EYS: variants seen among roughly 807,000 people sequenced by gnomAD.
EYS encodes EGF-like photoreceptor maintenance factor, also known as protein eyes shut homolog.
A neutral mutation model predicts 282.1 loss-of-function variants in EYS; 250 were observed. The ratio of observed to expected loss-of-function variants is 0.89; its 90% CI spans 0.80 to 0.98. The LOEUF (loss-of-function observed/expected upper bound fraction) is 0.98, where lower values mean the gene tolerates loss of function less well. EYS is among the 50% of genes least tolerant of loss of function. EYS has a pLI of 0.00. For synonymous variants in EYS, 1,355 were observed against 1,282.9 expected (o/e 1.06, Z -1.20); for missense variants, 4,016 against 3,709.0 (o/e 1.08, Z -2.15).
At chr6:64,670,465 G>A (rs1018251733) in intron 22 of EYS, among the ~76,000 whole-genome samples, 1 of 150,874 alleles carries the variant, frequency 6.6e-6, no homozygotes, top group Non-Finnish European at 1.5e-5. Context: ...AACGTTAATA[G>A]CACTAGAAAA....
chr6:64,132,726 C>A (rs1187597085), intron 31 of EYS, among the ~76,000 whole-genome samples: 1 of 151,600 alleles, frequency 6.6e-6, no homozygotes, highest in East Asian at 1.9e-4. Context: ...TCAGTATATT[C>A]AATACTATTT....
chr6:64,519,374 T>A (rs181478455), intron 26 of EYS, among the ~76,000 whole-genome samples: 1 of 151,832 alleles, frequency 6.6e-6, no homozygotes, highest in Admixed American at 6.6e-5. Context: ...GTCTTTGATA[T>A]AGAGATTTGC....
At chr6:64,186,529 TCTTC>T (rs1354710622) in intron 31 of EYS, among the ~76,000 whole-genome samples, 1 of 152,160 alleles carries the variant, frequency 6.6e-6, no homozygotes, top group Admixed American at 6.6e-5. Flanking sequence ...TTTCTATGCA[TCTTC>T]CTTTTTCTTT....
intron 22 of EYS, among the ~76,000 whole-genome samples, chr6:64,678,968 T>C (rs1437700585): frequency 6.7e-6 from 1 of 148,324 alleles, no homozygotes; most frequent in Non-Finnish European, 1.5e-5. Context: ...GCCTTGGCGA[T>C]AGAGACTCCC....
chr6:64,874,897 A>C (rs1462525714), intron 19 of EYS, among the ~76,000 whole-genome samples: 1 of 151,998 alleles, frequency 6.6e-6, no homozygotes, highest in African/African-American at 2.4e-5. Context: ...GGGAGCAAAG[A>C]CTTGATATAA....
intron 35 of EYS, among the ~76,000 whole-genome samples, chr6:63,948,101 AAC>A (rs1396076769): frequency 6.6e-6 from 1 of 152,220 alleles, no homozygotes; most frequent in Non-Finnish European, 1.5e-5. Flanking sequence ...AAACATGTTA[AAC>A]ACACATGCAC....
intron 29 of EYS, among the ~76,000 whole-genome samples, chr6:64,310,947 A>T (rs951856963): frequency 6.6e-6 from 1 of 152,254 alleles, no homozygotes; most frequent in Non-Finnish European, 1.5e-5. Context: ...TGTAAGGCTA[A>T]ATTTATCCAA....
chr6:64,839,515 A>G (rs1765498339), intron 19 of EYS, among the ~76,000 whole-genome samples: 1 of 152,034 alleles, frequency 6.6e-6, no homozygotes, highest in South Asian at 2.1e-4. Context: ...AGTTTTTAAC[A>G]TAGAGAGTTG....
intron 12 of EYS, among the ~76,000 whole-genome samples, chr6:65,074,633 A>G (rs1055435028): frequency 6.6e-6 from 1 of 152,076 alleles, no homozygotes; most frequent in African/African-American, 2.4e-5. Flanking sequence ...AGTGCGAAAT[A>G]GCAGCAAAGC....
intron 12 of EYS, among the ~76,000 whole-genome samples, chr6:65,075,387 A>G (rs1174211290): frequency 6.6e-6 from 1 of 152,084 alleles, no homozygotes; most frequent in Non-Finnish European, 1.5e-5. Flanking sequence ...AAAGGATGGA[A>G]CTACTATATA....
chr6:63,737,204 G>C (rs1582156520), intron 41 of EYS, among the ~76,000 whole-genome samples: 1 of 152,060 alleles, frequency 6.6e-6, no homozygotes, highest in South Asian at 2.1e-4. Flanking sequence ...TGCCCATTCA[G>C]GATGATATTG....
intron 2 of EYS, among the ~76,000 whole-genome samples, chr6:65,523,910 C>G (rs904633633): frequency 4.6e-5 from 7 of 152,128 alleles, no homozygotes; most frequent in Non-Finnish European, 1.0e-4. Flanking sequence ...TCACTCTTGT[C>G]GCCTAGTCTA....
intron 12 of EYS, among the ~76,000 whole-genome samples, chr6:65,169,098 T>C (rs567661588): frequency 6.6e-6 from 1 of 151,640 alleles, no homozygotes; most frequent in East Asian, 2.0e-4. Flanking sequence ...TGTATTGTTA[T>C]GTGACTGAGT....
intron 12 of EYS, among the ~76,000 whole-genome samples, chr6:65,127,894 C>CT (rs144966226): frequency 6.6e-6 from 1 of 152,112 alleles, no homozygotes; most frequent in East Asian, 1.9e-4. Context: ...TTTTATCTTC[C>CT]TATAAATTGC....
At chr6:64,274,483 T>C (rs1419828225) in intron 30 of EYS, among the ~76,000 whole-genome samples, 13 of 133,250 alleles carry the variant, frequency 9.8e-5, no homozygotes. Flanking sequence ...GCCTGGCCGT[T>C]TTTTTTTTTT....
chr6:64,049,141 A>C (rs949623297), intron 33 of EYS, among the ~76,000 whole-genome samples: 4 of 152,184 alleles, frequency 2.6e-5, no homozygotes, highest in Admixed American at 2.0e-4. Flanking sequence ...ATAAACAGTG[A>C]TCAGTTGTTT....
chr6:64,423,807 TG>T (rs1195777574), intron 28 of EYS, among the ~76,000 whole-genome samples: 1 of 151,752 alleles, frequency 6.6e-6, no homozygotes, highest in Non-Finnish European at 1.5e-5. Context: ...GACTCCATCA[TG>T]GGGGAAAAAA....
chr6:65,258,163 A>C (rs941630762), intron 12 of EYS, among the ~76,000 whole-genome samples: 4 of 152,056 alleles, frequency 2.6e-5, no homozygotes, highest in African/African-American at 4.8e-5. Flanking sequence ...AGTTTTAAAT[A>C]ACTTTTAGGT....
intron 19 of EYS, among the ~76,000 whole-genome samples, chr6:64,858,456 T>C (rs914828249): frequency 2.6e-5 from 4 of 152,116 alleles, no homozygotes; most frequent in Non-Finnish European, 5.9e-5. Flanking sequence ...TTGGTTGATG[T>C]GTCTCTCTTT....
Sources: allele counts gnomAD v4.1 joint callset (sites outside exome capture counted in the v4.1 genomes callset), GRCh38; gene constraint gnomAD v4.1.1; transcripts MANE v1.5; gene names NCBI Gene and HGNC (gene_info 2026-07-23, HGNC 2026-07-21).